RUNDC3B: variants seen among roughly 807,000 people sequenced by gnomAD.
The protein encoded by RUNDC3B is RUN domain-containing protein 3B.
In RUNDC3B, 33 loss-of-function variants were observed where a neutral mutation model predicts 58.4. The ratio of observed to expected loss-of-function variants is 0.56; its 90% CI spans 0.43 to 0.75. RUNDC3B has a LOEUF of 0.75. Among genes scored for constraint, RUNDC3B ranks in the 30% least tolerant of loss-of-function variants. The probability of loss-of-function intolerance (pLI) is 0.00; values close to 1 mark genes in which losing one functional copy is unlikely to be tolerated. For synonymous variants in RUNDC3B, 193 were observed against 195.2 expected, an observed-to-expected ratio of 0.99 and a Z score of 0.10; for missense variants, 501 against 535.7, an observed-to-expected ratio of 0.94 and a Z score of 0.64.
intron 4 of RUNDC3B, among the ~76,000 whole-genome samples, chr7:87,724,845 C>T (rs1221134706): frequency 6.6e-6 from 1 of 151,934 alleles, no homozygotes; most frequent in Admixed American, 6.6e-5. Context: ...TTCGAATTTT[C>T]AAATTTTACT....
chr7:87,730,419 A>G (rs1166646759), intron 4 of RUNDC3B, among the ~76,000 whole-genome samples: 1 of 151,982 alleles, frequency 6.6e-6, no homozygotes. Context: ...GGCAGTAACC[A>G]GGCAGTAATT....
chr7:87,814,352 G>A (rs1226924836), intron 9 of RUNDC3B, among the ~76,000 whole-genome samples: 1 of 151,848 alleles, frequency 6.6e-6, no homozygotes, highest in African/African-American at 2.4e-5. Context: ...CGCCCGCCTT[G>A]GCCTCCCAAA....
At chr7:87,736,019 G>A (rs886808301) in intron 4 of RUNDC3B, among the ~76,000 whole-genome samples, 3 of 152,070 alleles carry the variant, frequency 2.0e-5, no homozygotes, top group Admixed American at 6.6e-5. Flanking sequence ...CAAGACCTTT[G>A]GAGGTTGACT....
At chr7:87,807,081 G>C (rs536386736) in intron 8 of RUNDC3B, among the ~76,000 whole-genome samples, 76 of 151,986 alleles carry the variant, frequency 5.0e-4, no homozygotes, top group African/African-American at 1.6e-3. Flanking sequence ...TTTTAATTAA[G>C]ATATAAAATG....
chr7:87,824,753 A>G (rs367801710), intron 10 of RUNDC3B, among the ~76,000 whole-genome samples: 17 of 152,332 alleles, frequency 1.1e-4, no homozygotes, highest in African/African-American at 3.8e-4. Context: ...AGGTGGTCTC[A>G]GATGGAGATG....
intron 8 of RUNDC3B, among the ~76,000 whole-genome samples, chr7:87,803,693 C>A (rs1482364853): frequency 1.3e-5 from 2 of 152,214 alleles, no homozygotes; most frequent in Middle Eastern, 6.8e-3. Context: ...TGCTTCTTCA[C>A]GTATTTTAAG....
intron 1 of RUNDC3B, among the ~76,000 whole-genome samples, chr7:87,638,345 T>TTG (rs71524692): frequency 0.53 from 76,257 of 144,582 alleles, 19,911 homozygotes; most frequent in East Asian, 0.79. Context: ...AAGTATGTGT[T>TTG]TGTGTGTGTG....
intron 4 of RUNDC3B, among the ~76,000 whole-genome samples, chr7:87,733,724 A>G (rs1831742703): frequency 6.6e-6 from 1 of 152,098 alleles, no homozygotes; most frequent in Non-Finnish European, 1.5e-5. Flanking sequence ...TAGATCTTTA[A>G]CATGTGCAGT....
rs1302938725 is a variant in RUNDC3B, at chr7:87,832,256, TAC to T, written c.*2227_*2228del. 6.6e-6 allele frequency: 1 copy of T among 152,018 alleles called. No individual in the cohort carries two copies. 9.4% of individuals were successfully genotyped at this position (152,018 alleles called of 1,614,324 possible). A position where few individuals can be genotyped will look rare whatever the true frequency, so the allele number is the denominator to read the frequency against. ...ATGTGTATTCTGTTGCCTTGATGCG[TAC>T]TATACTTGTTGCATGTATATTAAAA... On this transcript the variant is annotated 3_prime_UTR_variant, in exon 11 of 11. Transcript: ENST00000394654.
chr7:87,745,650 T>C (rs1832602496), intron 6 of RUNDC3B, among the ~76,000 whole-genome samples: 2 of 152,186 alleles, frequency 1.3e-5, no homozygotes, highest in Admixed American at 1.3e-4. Context: ...GTGGTGTCAG[T>C]TGTAATATCT....
intron 1 of RUNDC3B, among the ~76,000 whole-genome samples, chr7:87,633,265 G>A (rs10264856): frequency 0.16 from 23,917 of 152,152 alleles, 3,174 homozygotes; most frequent in African/African-American, 0.37. Flanking sequence ...AAGCGCACAA[G>A]TTTAATCCAC....
intron 6 of RUNDC3B, among the ~76,000 whole-genome samples, chr7:87,755,357 T>A (rs561727212): frequency 6.6e-6 from 1 of 152,202 alleles, no homozygotes; most frequent in East Asian, 1.9e-4. Context: ...TTCCAAAATA[T>A]TGAGGAGGAA....
chr7:87,673,087 G>C (rs964953401), intron 2 of RUNDC3B, among the ~76,000 whole-genome samples: 2 of 152,176 alleles, frequency 1.3e-5, no homozygotes, highest in Admixed American at 1.3e-4. Context: ...AAGGTTTGCT[G>C]TTTGCCTGAT....
chr7:87,680,663 G>A (rs1826838879), intron 2 of RUNDC3B, among the ~76,000 whole-genome samples: 1 of 150,186 alleles, frequency 6.7e-6, no homozygotes, highest in African/African-American at 2.5e-5. Context: ...GCATGGTGGT[G>A]TGTGCCTGTA....
At chr7:87,645,249 AT>A (rs1281504865) in intron 1 of RUNDC3B, among the ~76,000 whole-genome samples, 1 of 151,848 alleles carries the variant, frequency 6.6e-6, no homozygotes, top group East Asian at 1.9e-4. Flanking sequence ...CAACCAGCTA[AT>A]TTTTTGTATT....
intron 4 of RUNDC3B, among the ~76,000 whole-genome samples, chr7:87,736,223 A>T (rs1195703650): frequency 6.6e-6 from 1 of 152,180 alleles, no homozygotes; most frequent in East Asian, 1.9e-4. Flanking sequence ...AAGCTTTCTC[A>T]TATTTTAATA....
intron 6 of RUNDC3B, among the ~76,000 whole-genome samples, chr7:87,746,060 A>C (rs1832622969): frequency 6.6e-6 from 1 of 152,148 alleles, no homozygotes. Context: ...TTTTTGACTC[A>C]ATGCTCATTA....
intron 2 of RUNDC3B, among the ~76,000 whole-genome samples, chr7:87,665,465 T>C (rs1013927033): frequency 2.0e-5 from 3 of 152,158 alleles, no homozygotes; most frequent in African/African-American, 7.2e-5. Context: ...ATATATCTCA[T>C]GCTCATGGGT....
At chr7:87,686,471 A>G (rs1827468795) in intron 2 of RUNDC3B, among the ~76,000 whole-genome samples, 1 of 152,210 alleles carries the variant, frequency 6.6e-6, no homozygotes, top group East Asian at 1.9e-4. Context: ...GTTCTTTAAA[A>G]TGTCATCTGT....
Sources: gnomAD v4.1 joint callset for allele counts (sites outside exome capture counted in the v4.1 genomes callset) on GRCh38, gnomAD v4.1.1 for gene constraint, MANE v1.5 for transcripts, NCBI Gene and HGNC (gene_info 2026-07-23, HGNC 2026-07-21) for gene names.